The following MAP3K3 variants were observed in gnomAD, a reference collection of about 807,000 sequenced individuals.
MAP3K3 encodes MAP/ERK kinase kinase 3.
MAP3K3 carries 12 observed loss-of-function variants against 80.9 expected under a neutral mutation model. The observed-to-expected ratio is 0.15, with a 90% confidence interval of 0.10 to 0.24. MAP3K3 has a LOEUF of 0.24. Among genes scored for constraint, MAP3K3 ranks in the 10% least tolerant of loss-of-function variants. MAP3K3 has a pLI of 1.00. For missense variants in MAP3K3, 596 were observed against 834.7 expected (o/e 0.71, Z 3.52); for synonymous variants, 272 against 307.1 (o/e 0.89, Z 1.19).
chr17:63,647,633 A>G (rs1374833657), intron 3 of MAP3K3, among the ~76,000 whole-genome samples: 1 of 152,158 alleles, frequency 6.6e-6, no homozygotes, highest in Non-Finnish European at 1.5e-5. Context: ...GGTTTTGAAA[A>G]TGGTGCATTC....
intron 5 of MAP3K3, among the ~76,000 whole-genome samples, chr17:63,662,089 C>T (rs919469363): frequency 6.8e-6 from 1 of 147,970 alleles, no homozygotes; most frequent in African/African-American, 2.5e-5. Flanking sequence ...AGCCACAGAG[C>T]GAGACTCCAT....
intron 7 of MAP3K3, among the ~76,000 whole-genome samples, chr17:63,685,114 A>G (rs1475686448): frequency 6.6e-6 from 1 of 152,140 alleles, no homozygotes; most frequent in Non-Finnish European, 1.5e-5. Context: ...AAATGAGGCA[A>G]TCCTTGTCTT....
In MAP3K3 at chr17:63,681,855, A is replaced by G; in HGVS notation, c.592A>G (p.Ile198Val). Reference sequence around the variant, plus strand: ...TGCCCGGCAGGGGTCCTACACCAGCATCAACAGTGAGGGGGAGTTCATCCC... The same window carrying G: ...TGCCCGGCAGGGGTCCTACACCAGCGTCAACAGTGAGGGGGAGTTCATCCC... Reference protein sequence around the residue: ...HIARQGSYTSINSEGEFIPET... With the variant: ...HIARQGSYTSVNSEGEFIPET... Residue 198 changes from isoleucine (I) to valine (V), a missense_variant, in exon 7 of 16, where the codon ATC becomes GTC. Transcript: ENST00000361733. The G allele has an allele frequency of 6.5e-7, 1 of 1,542,508 alleles. No individual in the cohort carries two copies.
intron 5 of MAP3K3, among the ~76,000 whole-genome samples, chr17:63,665,708 G>A (rs1448252778): frequency 6.6e-6 from 1 of 152,112 alleles, no homozygotes; most frequent in Non-Finnish European, 1.5e-5. Context: ...TTAGCAGAGA[G>A]CTATTGCACA....
At chr17:63,677,637 C>T (rs963588151) in intron 6 of MAP3K3, among the ~76,000 whole-genome samples, 9 of 152,134 alleles carry the variant, frequency 5.9e-5, no homozygotes, top group Non-Finnish European at 1.0e-4. Flanking sequence ...CTCTGTTGGC[C>T]AAGCGGCATT....
At chr17:63,628,849 C>T (rs2034159724) in intron 1 of MAP3K3, among the ~76,000 whole-genome samples, 1 of 152,096 alleles carries the variant, frequency 6.6e-6, no homozygotes. Flanking sequence ...GATTAAATGG[C>T]CTCCAGTCTT....
At position 63,691,202 on chromosome 17, in the gene MAP3K3, C is replaced by T; in HGVS notation, c.1313C>T (p.Thr438Ile). Reference sequence around the variant, plus strand: ...TGTCTGCGGGACCGCGCTGAGAAGACCCTGACCATCTTCATGGAGTACATG... The same window carrying T: ...TGTCTGCGGGACCGCGCTGAGAAGATCCTGACCATCTTCATGGAGTACATG... ...YGCLRDRAEK[T>I]LTIFMEYMPG... The change falls in exon 13 of 16, where the codon ACC (threonine) becomes ATC (isoleucine). Residue 438 changes from threonine (T) to isoleucine (I), a missense_variant. By Grantham distance (89) the Thr-to-Ile change is moderately conservative (BLOSUM62 -1). Coordinates refer to ENST00000361733, the MANE Select transcript of MAP3K3 (RefSeq NM_002401.5). The surrounding 1 kb of genome is among the most constrained non-coding windows in gnomAD (Gnocchi z 4.8). 4 of 1,614,190 alleles carry T rather than the reference C, an allele frequency of 2.5e-6. No individual in the cohort carries two copies. The highest frequency in any genetic ancestry group is 3.3e-4 in the Middle Eastern group (2 of 6,062).
At chr17:63,690,990 C>T (rs1272377120) in intron 12 of MAP3K3, 112 bp from the exon 13 acceptor site, 1 of 1,291,962 alleles carries the variant, frequency 7.7e-7, no homozygotes, top group African/African-American at 1.5e-5. Context: ...TCTCCAACTG[C>T]AGTTCCCAAG....
chr17:63,682,871 A>T (rs889515363), intron 7 of MAP3K3: 7 of 152,260 alleles, frequency 4.6e-5, no homozygotes, highest in Non-Finnish European at 7.3e-5. Context: ...CACTAAAGGG[A>T]AAGGCAGTTC....
chr17:63,691,781 G>A lies in MAP3K3; in HGVS notation c.1393G>A (p.Val465Met), dbSNP rs761154998. ...LKAYGALTES[V>M]TRKYTRQILE... is the part of the protein sequence containing the mutation. ...GGCTTACGGTGCTCTGACAGAGAGC[G>A]TGACCCGAAAGTACACGCGGCAGAT... Residue 465 changes from valine (V) to methionine (M), a missense_variant, in exon 14 of 16, where the codon GTG becomes ATG. By Grantham distance (21) the Val-to-Met change is conservative (BLOSUM62 1). Coordinates refer to ENST00000361733, the MANE Select transcript of MAP3K3 (RefSeq NM_002401.5). This position sits in a 1 kb window ranked among gnomAD's most constrained non-coding sequence, Gnocchi z 4.8. 3 of 1,614,084 alleles carry A rather than the reference G, an allele frequency of 1.9e-6. No homozygotes were observed. Among genetic ancestry groups the A allele is most frequent in the Non-Finnish European group, 1.7e-6 (2 of 1,179,998 alleles).
At chr17:63,643,243 G>T (rs1172692422) in intron 2 of MAP3K3, among the ~76,000 whole-genome samples, 3 of 151,942 alleles carry the variant, frequency 2.0e-5, no homozygotes, top group African/African-American at 7.3e-5. Context: ...GGTGGCTCAT[G>T]CCTGTAATCC....
chr17:63,681,462 AT>A (rs1240540513), intron 6 of MAP3K3, among the ~76,000 whole-genome samples: 1 of 152,166 alleles, frequency 6.6e-6, no homozygotes, highest in Non-Finnish European at 1.5e-5. Context: ...ATATATAAGA[AT>A]TTTTTTAAAA....
chr17:63,656,905 A>G (rs904891286), intron 4 of MAP3K3, among the ~76,000 whole-genome samples: 29 of 152,258 alleles, frequency 1.9e-4, no homozygotes, highest in African/African-American at 5.8e-4. Context: ...GAAACTTACA[A>G]TCATGACGGA....
chr17:63,653,073 G>T (rs1180769870), intron 4 of MAP3K3, among the ~76,000 whole-genome samples: 1 of 152,200 alleles, frequency 6.6e-6, no homozygotes, highest in African/African-American at 2.4e-5. Flanking sequence ...AGTCATAAAT[G>T]CAGGATTCTT....
chr17:63,643,230 T>G (rs1598073134), intron 2 of MAP3K3, among the ~76,000 whole-genome samples: 3 of 151,824 alleles, frequency 2.0e-5, no homozygotes. Context: ...ACTGGCTGGG[T>G]GTGGTGGCTC....
At chr17:63,678,724 T>C (rs564927475) in intron 6 of MAP3K3, among the ~76,000 whole-genome samples, 1 of 152,324 alleles carries the variant, frequency 6.6e-6, no homozygotes, top group East Asian at 1.9e-4. Flanking sequence ...TGACTTAATA[T>C]AGAAGAATTA....
At chr17:63,680,854 G>C (rs1290256655) in intron 6 of MAP3K3, among the ~76,000 whole-genome samples, 1 of 148,198 alleles carries the variant, frequency 6.7e-6, no homozygotes, top group Non-Finnish European at 1.5e-5. Context: ...CTCCTCCTCT[G>C]TTAAGTAAAG....
chr17:63,629,081 TG>T (rs2034164909), intron 1 of MAP3K3, among the ~76,000 whole-genome samples: 1 of 152,146 alleles, frequency 6.6e-6, no homozygotes. Context: ...TTTCTGACTC[TG>T]AAGTTCATAT....
At chr17:63,634,865 C>T in intron 2 of MAP3K3, 1 of 1,344,300 alleles carries the variant, frequency 7.4e-7, no homozygotes, top group Non-Finnish European at 1.1e-6. Context: ...CATGCTGCAA[C>T]AGCAGAATTC....
Sources: allele counts gnomAD v4.1 joint callset (sites outside exome capture counted in the v4.1 genomes callset), GRCh38; gene constraint gnomAD v4.1.1; non-coding constraint Gnocchi (gnomAD v3.1); transcripts MANE v1.5; gene names NCBI Gene and HGNC (gene_info 2026-07-23, HGNC 2026-07-21).